Variants in RBFOX2 observed in about 807,000 individuals in gnomAD.
RBFOX2 encodes the protein RNA binding protein fox-1 homolog 2.
A neutral mutation model predicts 49.1 loss-of-function variants in RBFOX2; 10 were observed. That is an observed-to-expected ratio of 0.20 (90% confidence interval 0.13 to 0.35). The LOEUF is 0.35. RBFOX2 is among the 10% of genes least tolerant of loss of function. The probability of loss-of-function intolerance (pLI) is 1.00; values close to 1 mark genes in which losing one functional copy is unlikely to be tolerated. For synonymous variants in RBFOX2, 183 were observed against 187.4 expected, an observed-to-expected ratio of 0.98 and a Z score of 0.19; for missense variants, 323 against 486.9, an observed-to-expected ratio of 0.66 and a Z score of 3.17.
chr22:36,024,219 C>T (rs1011583575), intron 1 of RBFOX2, among the ~76,000 whole-genome samples: 3 of 152,106 alleles, frequency 2.0e-5, no homozygotes, highest in Admixed American at 1.3e-4. Flanking sequence ...TGAGCACTTA[C>T]CAAGTACCCA....
intron 2 of RBFOX2, among the ~76,000 whole-genome samples, chr22:35,786,112 A>T (rs942359699): frequency 1.3e-5 from 2 of 152,234 alleles, no homozygotes; most frequent in Non-Finnish European, 2.9e-5. Flanking sequence ...ATAACTTTAT[A>T]TGTAGCCCAT....
chr22:35,937,603 GT>G (rs1322207650), intron 1 of RBFOX2, among the ~76,000 whole-genome samples: 1 of 151,982 alleles, frequency 6.6e-6, no homozygotes, highest in African/African-American at 2.4e-5. Flanking sequence ...TTTATGTTTT[GT>G]TTTTGAGACA....
intron 1 of RBFOX2, among the ~76,000 whole-genome samples, chr22:35,959,961 G>A (rs968883780): frequency 1.3e-5 from 2 of 152,132 alleles, no homozygotes; most frequent in African/African-American, 4.8e-5. Flanking sequence ...CTAATACAGT[G>A]TAAATGCTAC....
chr22:35,756,362 C>A (rs1291253755), intron 9 of RBFOX2, among the ~76,000 whole-genome samples: 3 of 151,986 alleles, frequency 2.0e-5, no homozygotes, highest in Non-Finnish European at 2.9e-5. Context: ...GAAAGGTGTG[C>A]AAAACTAGAA....
intron 1 of RBFOX2, among the ~76,000 whole-genome samples, chr22:35,952,754 A>T (rs2055091086): frequency 6.6e-6 from 1 of 152,178 alleles, no homozygotes; most frequent in Non-Finnish European, 1.5e-5. Context: ...TGTAAAATGG[A>T]GCAGCTGCTG....
At chr22:35,931,654 G>A (rs994962068) in intron 1 of RBFOX2, among the ~76,000 whole-genome samples, 16 of 152,016 alleles carry the variant, frequency 1.1e-4, no homozygotes, top group African/African-American at 3.4e-4. Context: ...GCACACCTGC[G>A]GTCCCAGCTA....
At chr22:36,028,505 G>A in exon 1 of RBFOX2, 1 of 1,049,552 alleles carries the variant, frequency 9.5e-7, no homozygotes, top group Non-Finnish European at 1.1e-6. Flanking sequence ...CCCGACTGTC[G>A]CGACAGGCGG....
chr22:35,830,480 A>C (rs1474046518), intron 1 of RBFOX2, among the ~76,000 whole-genome samples: 1 of 152,260 alleles, frequency 6.6e-6, no homozygotes, highest in East Asian at 1.9e-4. Context: ...ATATGTTCTG[A>C]GAAACGTGTC....
At chr22:36,022,632 A>G (rs1367167360) in intron 1 of RBFOX2, among the ~76,000 whole-genome samples, 1 of 152,214 alleles carries the variant, frequency 6.6e-6, no homozygotes, top group African/African-American at 2.4e-5. Flanking sequence ...TTACAGGCTT[A>G]ATGTCTGTGT....
At chr22:35,738,927 A>G (rs1249540309) in exon 12 of RBFOX2, 1 of 152,660 alleles carries the variant, frequency 6.6e-6, no homozygotes, top group Non-Finnish European at 1.5e-5. Flanking sequence ...AATTCCAGCT[A>G]CTTGATAATA....
chr22:35,954,637 C>A (rs2055344089), intron 1 of RBFOX2, among the ~76,000 whole-genome samples: 1 of 152,180 alleles, frequency 6.6e-6, no homozygotes, highest in Non-Finnish European at 1.5e-5. Context: ...TTCCAAATAT[C>A]CCAAGCCTTG....
At chr22:35,897,831 C>T in intron 1 of RBFOX2, 2 of 745,270 alleles carry the variant, frequency 2.7e-6, no homozygotes, top group South Asian at 2.7e-5. Context: ...ATGTGTCTCT[C>T]ACTGCTTTCT....
rs558641567 is a variant in RBFOX2 at position 35,971,830 on chromosome 22, A to G, written c.187-32933T>C. 1.2e-4 allele frequency among the ~76,000 whole-genome samples: 18 copies of G among 151,480 alleles called. 1 individual carries two copies. The South Asian group carries it at 3.6e-3, about 30-fold the overall frequency. On this transcript the variant is annotated intron_variant, in intron 1 of 13. Transcript: ENST00000438146. ...GGTCAGCCCCATCCCAAACACACTG[A>G]AAACCTTTGTACTGTAGCAGGCCCA...
At chr22:35,769,468 T>C (rs1942032237) in intron 4 of RBFOX2, among the ~76,000 whole-genome samples, 1 of 152,200 alleles carries the variant, frequency 6.6e-6, no homozygotes, top group Non-Finnish European at 1.5e-5. Context: ...TATACTTATA[T>C]GACTTTCCTA....
At chr22:35,967,404 A>G (rs1016128071) in intron 1 of RBFOX2, among the ~76,000 whole-genome samples, 1 of 148,420 alleles carries the variant, frequency 6.7e-6, no homozygotes, top group African/African-American at 2.5e-5. Flanking sequence ...AAAAAAAAAT[A>G]CCCTACCAAA....
chr22:35,857,469 C>A (rs911579039), intron 1 of RBFOX2, among the ~76,000 whole-genome samples: 4 of 152,170 alleles, frequency 2.6e-5, no homozygotes, highest in Admixed American at 2.6e-4. Context: ...CTAATTCTAG[C>A]TAACTAGCCA....
At chr22:35,755,569 CT>C (rs1200437357) in intron 9 of RBFOX2, among the ~76,000 whole-genome samples, 1 of 152,086 alleles carries the variant, frequency 6.6e-6, no homozygotes, top group Non-Finnish European at 1.5e-5. Context: ...CCTTATTTGG[CT>C]ATCACAAGGT....
chr22:35,976,939 GGGCGACA>G, intron 1 of RBFOX2, among the ~76,000 whole-genome samples: 1 of 150,892 alleles, frequency 6.6e-6, no homozygotes, highest in Admixed American at 6.6e-5. Context: ...ACTCCAGCCT[GGGCGACA>G]GACCGAGACT....
intron 1 of RBFOX2, among the ~76,000 whole-genome samples, chr22:35,917,604 T>C (rs932720540): frequency 6.6e-6 from 1 of 152,112 alleles, no homozygotes; most frequent in African/African-American, 2.4e-5. Context: ...CAAATAGACA[T>C]GGGGCTCTCA....
Sources: gnomAD v4.1 joint callset for allele counts (sites outside exome capture counted in the v4.1 genomes callset) on GRCh38, gnomAD v4.1.1 for gene constraint, MANE v1.5 for transcripts, NCBI Gene and HGNC (gene_info 2026-07-23, HGNC 2026-07-21) for gene names.